LPIN2: variants seen among roughly 807,000 people sequenced by gnomAD.
LPIN2 encodes the protein lipin 2.
A neutral mutation model predicts 111.4 loss-of-function variants in LPIN2; 55 were observed. That is an observed-to-expected ratio of 0.49 (90% CI 0.40 to 0.62). LPIN2 has a LOEUF of 0.62. Among genes scored for constraint, LPIN2 ranks in the 20% least tolerant of loss-of-function variants. The pLI, the probability that LPIN2 is intolerant of heterozygous loss-of-function variation, is 0.00. For missense variants in LPIN2, 992 were observed against 1,112.1 expected (o/e 0.89, Z 1.54); for synonymous variants, 425 against 414.0 (o/e 1.03, Z -0.32).
chr18:2,982,925 C>T, intron 1 of LPIN2: 1 of 354,102 alleles, frequency 2.8e-6, no homozygotes, highest in Non-Finnish European at 5.6e-6. Flanking sequence ...AAAAGCAATG[C>T]ATACACAAGT....
chr18:2,925,097 G>A lies in LPIN2; in HGVS notation c.1938+127C>T, dbSNP rs2077110442. On this transcript the variant is annotated intron_variant, in intron 14 of 19. Transcript: ENST00000677752. This position sits in a 1 kb window ranked among gnomAD's most constrained non-coding sequence, Gnocchi z 4.1. ...GCGGTCGTGGTTCCACTGTGGATAG[G>A]CATTGACACGACCATGCCGTGTGGC... is the stretch of plus-strand genomic sequence containing the variant. The A allele has an allele frequency of 4.0e-6, 5 of 1,244,340 alleles. No homozygotes were observed. In the Admixed American group the frequency reaches 5.6e-5, roughly 14 times the overall value. The allele number at this position is 1,244,340 out of a possible 1,614,324, so 77.1% of individuals were successfully genotyped here.
intron 1 of LPIN2, among the ~76,000 whole-genome samples, chr18:2,985,792 A>G (rs1247449476): frequency 1.3e-5 from 2 of 152,242 alleles, no homozygotes; most frequent in Non-Finnish European, 2.9e-5. Flanking sequence ...TTTTACCATA[A>G]AACATGAAAA....
In LPIN2 at chr18:2,933,779, G is replaced by GT. The variant is rs201807934; in HGVS notation, c.1268+571dup. Among the ~76,000 whole-genome samples the GT allele has an allele frequency of 7.0e-3, 1,064 of 152,268 alleles. 19 individuals are homozygous for GT. The highest frequency in any genetic ancestry group is 0.025 in the African/African-American group (1,022 of 41,560). On this transcript the variant is annotated intron_variant, in intron 8 of 19. Coordinates refer to ENST00000677752, the MANE Select transcript of LPIN2 (RefSeq NM_001375808.2). ...ATGAACTTGGGAAGGCAGTCCAAGT[G>GT]TATCATATTTGAGGCCCATATTTGA... is the stretch of plus-strand genomic sequence containing the variant.
Position 2,937,750 on chromosome 18 carries a change from C to T in LPIN2, c.1110G>A (p.Ala370=), listed in dbSNP as rs1349998517. ...CCGGTTTGGATTCTGAGGGCGCCTC[C>T]GCTAAGGCTGCGTTGGGAAGGTGGT... is the stretch of plus-strand genomic sequence containing the variant. ...DADHLPNAAL[A]EAPSESKPAA... The change falls in exon 7 of 20, where the codon GCG becomes GCA. Residue 370 remains alanine (A), a synonymous_variant. Transcript: ENST00000677752. The T allele has an allele frequency of 1.7e-5, 28 of 1,613,988 alleles. No homozygotes were observed. The highest frequency in any genetic ancestry group is 4.4e-5 in the South Asian group (4 of 91,088).
At chr18:2,934,858 A>G (rs1002071323) in intron 7 of LPIN2, among the ~76,000 whole-genome samples, 1 of 152,242 alleles carries the variant, frequency 6.6e-6, no homozygotes, top group Non-Finnish European at 1.5e-5. Flanking sequence ...GGATATTCAC[A>G]TGGTGCCCAA....
chr18:2,924,415 A>C lies in LPIN2; in HGVS notation c.2070T>G (p.Ile690Met). The C allele has an allele frequency of 6.2e-7, 1 of 1,614,192 alleles. No homozygotes were observed. Among genetic ancestry groups the C allele is most frequent in the Non-Finnish European group, 8.5e-7 (1 of 1,180,034 alleles). Residue 690 changes from isoleucine (I) to methionine (M), a missense_variant, in exon 15 of 20, where the codon ATT (isoleucine) becomes ATG (methionine). Coordinates refer to ENST00000677752, the MANE Select transcript of LPIN2 (RefSeq NM_001375808.2). ...GAGCTTACTTGGTTATTGTCCCATC[A>C]ATATCAGAAATGATGATCTTGTCAT... is the stretch of plus-strand genomic sequence containing the variant. ...NWNDKIIISD[I>M]DGTITKSDAL...
At chr18:2,999,389 G>A (rs2078395148) in intron 1 of LPIN2, among the ~76,000 whole-genome samples, 1 of 151,522 alleles carries the variant, frequency 6.6e-6, no homozygotes, top group Non-Finnish European at 1.5e-5. Context: ...GAGGTCAGGA[G>A]ATCGAGACCA....
chr18:2,942,227 G>A (rs1442898559), intron 4 of LPIN2, among the ~76,000 whole-genome samples: 1 of 151,890 alleles, frequency 6.6e-6, no homozygotes, highest in East Asian at 1.9e-4. Flanking sequence ...TTTCTCTAGG[G>A]CCTTACTCTG....
At chr18:2,940,179 T>C (rs1351294776) in intron 5 of LPIN2, among the ~76,000 whole-genome samples, 1 of 151,960 alleles carries the variant, frequency 6.6e-6, no homozygotes, top group East Asian at 1.9e-4. Context: ...ATTTAAAACT[T>C]AGCTGAGCAC....
chr18:2,962,573 CAT>C (rs2077729897), intron 1 of LPIN2, among the ~76,000 whole-genome samples: 1 of 152,016 alleles, frequency 6.6e-6, no homozygotes, highest in Non-Finnish European at 1.5e-5. Context: ...TCAAAATATT[CAT>C]ATAACATCCC....
chr18:2,965,101 C>T (rs1273902423), intron 1 of LPIN2, among the ~76,000 whole-genome samples: 1 of 150,470 alleles, frequency 6.6e-6, no homozygotes, highest in African/African-American at 2.5e-5. Flanking sequence ...TTGGGAGCTC[C>T]GAAGGAAAAG....
intron 1 of LPIN2, among the ~76,000 whole-genome samples, chr18:2,973,679 T>G (rs1356780993): frequency 6.6e-6 from 1 of 152,244 alleles, no homozygotes; most frequent in Admixed American, 6.5e-5. Flanking sequence ...ACCAGAAATG[T>G]TTTGAATTTT....
At chr18:2,995,477 T>C (rs1037936276) in intron 1 of LPIN2, among the ~76,000 whole-genome samples, 5 of 152,186 alleles carry the variant, frequency 3.3e-5, no homozygotes, top group Non-Finnish European at 5.9e-5. Flanking sequence ...CACTCTAGTA[T>C]GAATATTGTC....
At chr18:2,958,875 G>T (rs1466618875) in intron 2 of LPIN2, among the ~76,000 whole-genome samples, 1 of 151,292 alleles carries the variant, frequency 6.6e-6, no homozygotes, top group Non-Finnish European at 1.5e-5. Context: ...CTGCCTTCAG[G>T]TTCCATTTTG....
intron 1 of LPIN2, among the ~76,000 whole-genome samples, chr18:3,007,800 G>A (rs972038038): frequency 6.6e-6 from 1 of 152,170 alleles, no homozygotes; most frequent in Non-Finnish European, 1.5e-5. Flanking sequence ...CATACCGGAG[G>A]GCAATTCAAA....
rs1212154981 is a variant in LPIN2, at chr18:2,955,628, T to C, written c.193-1029A>G. 2.0e-5 allele frequency among the ~76,000 whole-genome samples: 3 copies of C among 152,114 alleles called. No homozygotes were observed. In the East Asian group the frequency reaches 5.8e-4, roughly 29 times the overall value. On this transcript the variant is annotated intron_variant, in intron 2 of 19. Coordinates refer to ENST00000677752, the MANE Select transcript of LPIN2 (RefSeq NM_001375808.2). ...CAAAATGCTTGTTATAAAACTCCTA[T>C]GTATGGGCCGGGTGCAGTGGCTCAT...
At chr18:2,921,716 AT>A in intron 17 of LPIN2, 69 bp from the exon 18 acceptor site, 2 of 1,105,102 alleles carry the variant, frequency 1.8e-6, no homozygotes, top group Non-Finnish European at 2.7e-6. Context: ...TGGTCCTAAA[AT>A]TTTAGTGCTC....
chr18:3,000,900 C>T (rs1452280612), intron 1 of LPIN2, among the ~76,000 whole-genome samples: 2 of 123,152 alleles, frequency 1.6e-5, no homozygotes, highest in East Asian at 4.8e-4. Flanking sequence ...TAATGAGATA[C>T]TTTAAAAAGA....
At chr18:2,986,561 A>G (rs936678109) in intron 1 of LPIN2, among the ~76,000 whole-genome samples, 1 of 151,354 alleles carries the variant, frequency 6.6e-6, no homozygotes, top group South Asian at 2.1e-4. Context: ...AAAAAAAAAA[A>G]AAGAAAGACT....
Sources: allele counts gnomAD v4.1 joint callset (sites outside exome capture counted in the v4.1 genomes callset), GRCh38; gene constraint gnomAD v4.1.1; non-coding constraint Gnocchi (gnomAD v3.1); transcripts MANE v1.5; gene names NCBI Gene and HGNC (gene_info 2026-07-23, HGNC 2026-07-21).